GALNT13: variants seen among roughly 807,000 people sequenced by gnomAD.
GALNT13 encodes the protein UDP-GalNAc:polypeptide N-acetylgalactosaminyltransferase 13.
In GALNT13, 28 loss-of-function variants were observed where a neutral mutation model predicts 64.2. That is an observed-to-expected ratio of 0.44 (90% confidence interval 0.32 to 0.60). GALNT13 has a LOEUF of 0.60. GALNT13 is among the 20% of genes least tolerant of loss of function. The pLI is 0.05. For missense variants in GALNT13, 577 were observed against 669.8 expected, an observed-to-expected ratio of 0.86 and a Z score of 1.53; for synonymous variants, 214 against 224.6, an observed-to-expected ratio of 0.95 and a Z score of 0.42.
At chr2:154,086,056 G>A (rs1196876132) in intron 3 of GALNT13, among the ~76,000 whole-genome samples, 2 of 150,886 alleles carry the variant, frequency 1.3e-5, no homozygotes, top group Non-Finnish European at 3.0e-5. Context: ...GAGCTGTAAT[G>A]TTAAACTGAA....
chr2:153,211,656 A>G, the GALNT13 span, among the ~76,000 whole-genome samples: 1 of 152,202 alleles, frequency 6.6e-6, no homozygotes, highest in Non-Finnish European at 1.5e-5. Context: ...GTGTCTAAGA[A>G]TCAGCAGTAT....
chr2:154,252,351 A>T (rs2105889526), intron 7 of GALNT13, among the ~76,000 whole-genome samples: 1 of 139,816 alleles, frequency 7.2e-6, no homozygotes, highest in East Asian at 2.1e-4. Context: ...ATTTTATTTT[A>T]TTATTATTAT....
the GALNT13 span, among the ~76,000 whole-genome samples, chr2:153,249,159 C>T: frequency 2.6e-5 from 4 of 152,256 alleles, no homozygotes; most frequent in Middle Eastern, 6.8e-3. Flanking sequence ...AGCTTCTTAA[C>T]CTGATAAGCA....
At chr2:153,726,336 TA>T in the GALNT13 span, among the ~76,000 whole-genome samples, 18 of 152,064 alleles carry the variant, frequency 1.2e-4, no homozygotes, top group African/African-American at 4.3e-4. Context: ...GTGTCTTTTT[TA>T]AAAAAAATGC....
At chr2:154,429,267 G>T (rs1219617794) in intron 11 of GALNT13, among the ~76,000 whole-genome samples, 1 of 152,136 alleles carries the variant, frequency 6.6e-6, no homozygotes, top group Admixed American at 6.6e-5. Context: ...TAGGCATCTT[G>T]CACCAAACAG....
At chr2:153,721,362 A>C in the GALNT13 span, among the ~76,000 whole-genome samples, 2 of 141,248 alleles carry the variant, frequency 1.4e-5, no homozygotes, top group African/African-American at 2.9e-5. Flanking sequence ...AAATCATGCC[A>C]AAATGTAAAG....
chr2:154,132,860 A>G (rs1290148834), intron 3 of GALNT13, among the ~76,000 whole-genome samples: 1 of 148,488 alleles, frequency 6.7e-6, no homozygotes, highest in African/African-American at 2.5e-5. Flanking sequence ...ACGCCATGGC[A>G]CTCCAGCCTG....
the GALNT13 span, among the ~76,000 whole-genome samples, chr2:153,318,746 C>T: frequency 6.6e-6 from 1 of 152,054 alleles, no homozygotes; most frequent in Non-Finnish European, 1.5e-5. Context: ...AGTATCTGCA[C>T]TAATATTATC....
the GALNT13 span, among the ~76,000 whole-genome samples, chr2:153,805,742 G>T: frequency 6.6e-6 from 1 of 151,810 alleles, no homozygotes; most frequent in African/African-American, 2.4e-5. Context: ...CTAAAACTAT[G>T]GTATATGTAA....
the GALNT13 span, among the ~76,000 whole-genome samples, chr2:153,511,443 G>A: frequency 1.3e-5 from 2 of 152,110 alleles, no homozygotes; most frequent in Admixed American, 6.6e-5. Context: ...AAGAGATGTG[G>A]AACTCCTTTT....
chr2:153,593,060 A>C, the GALNT13 span: 1 of 152,374 alleles, frequency 6.6e-6, no homozygotes, highest in Non-Finnish European at 1.5e-5. Context: ...TAACAATTTG[A>C]ACTGGGTGAG....
intron 9 of GALNT13, among the ~76,000 whole-genome samples, chr2:154,332,620 C>G (rs1485423925): frequency 6.6e-6 from 1 of 152,056 alleles, no homozygotes; most frequent in Non-Finnish European, 1.5e-5. Flanking sequence ...TAGTTTTTCA[C>G]CCAGCAACAA....
chr2:153,756,239 T>C, the GALNT13 span, among the ~76,000 whole-genome samples: 1 of 152,090 alleles, frequency 6.6e-6, no homozygotes, highest in East Asian at 1.9e-4. Flanking sequence ...TTTAATATCT[T>C]TTGTGGAAAA....
the GALNT13 span, among the ~76,000 whole-genome samples, chr2:153,259,486 C>A: frequency 6.6e-6 from 1 of 151,962 alleles, no homozygotes; most frequent in African/African-American, 2.4e-5. Context: ...TGTGTCCCCA[C>A]CGAAATCTCA....
At chr2:153,523,577 G>A in the GALNT13 span, among the ~76,000 whole-genome samples, 12 of 152,170 alleles carry the variant, frequency 7.9e-5, no homozygotes, top group Non-Finnish European at 1.2e-4. Flanking sequence ...GAGTGCTAAT[G>A]TAAGTAATAT....
At chr2:153,549,630 T>C in the GALNT13 span, among the ~76,000 whole-genome samples, 1 of 152,156 alleles carries the variant, frequency 6.6e-6, no homozygotes, top group Admixed American at 6.5e-5. Context: ...ACCCTCACAG[T>C]GTCAGAGGCC....
chr2:153,640,619 CA>C, the GALNT13 span, among the ~76,000 whole-genome samples: 1 of 151,720 alleles, frequency 6.6e-6, no homozygotes, highest in African/African-American at 2.4e-5. Context: ...TTTTTTTCTA[CA>C]AAAAATTAAA....
the GALNT13 span, among the ~76,000 whole-genome samples, chr2:153,712,655 T>C: frequency 3.3e-5 from 5 of 152,308 alleles, no homozygotes; most frequent in South Asian, 1.0e-3. Context: ...AAAGGTCTGC[T>C]ACTCCATTAA....
At chr2:154,251,774 T>TTAAA (rs1356234990) in intron 7 of GALNT13, among the ~76,000 whole-genome samples, 2 of 152,188 alleles carry the variant, frequency 1.3e-5, no homozygotes, top group African/African-American at 4.8e-5. Context: ...AGAAAAGCAT[T>TTAAA]TGTGCCTCTG....
Sources: gnomAD v4.1 joint callset for allele counts (sites outside exome capture counted in the v4.1 genomes callset) on GRCh38, gnomAD v4.1.1 for gene constraint, MANE v1.5 for transcripts, NCBI Gene and HGNC (gene_info 2026-07-23, HGNC 2026-07-21) for gene names.